Variants in GPHN observed in about 807,000 individuals in gnomAD.
The protein encoded by GPHN is gephyrin.
GPHN carries 17 observed loss-of-function variants against 95.5 expected under a neutral mutation model. That is an observed-to-expected ratio of 0.18 (90% CI 0.12 to 0.27). The LOEUF (loss-of-function observed/expected upper bound fraction) is 0.27, where lower values mean the gene tolerates loss of function less well. GPHN is among the 10% of genes least tolerant of loss of function. The pLI, the probability that GPHN is intolerant of heterozygous loss-of-function variation, is 1.00. For synonymous variants in GPHN, 320 were observed against 322.5 expected, an observed-to-expected ratio of 0.99 and a Z score of 0.08; for missense variants, 660 against 978.1, an observed-to-expected ratio of 0.67 and a Z score of 4.34.
intron 2 of GPHN, among the ~76,000 whole-genome samples, chr14:66,694,244 G>T (rs971905189): frequency 6.6e-6 from 1 of 152,052 alleles, no homozygotes; most frequent in Non-Finnish European, 1.5e-5. Flanking sequence ...CACCATATGC[G>T]ATTATAGCCA....
At chr14:67,344,348 A>G in the GPHN span, among the ~76,000 whole-genome samples, 1 of 152,106 alleles carries the variant, frequency 6.6e-6, no homozygotes, top group South Asian at 2.1e-4. Flanking sequence ...CTTTCAATAA[A>G]CCTTTATCAA....
At chr14:67,502,628 T>A in the GPHN span, among the ~76,000 whole-genome samples, 1 of 151,860 alleles carries the variant, frequency 6.6e-6, no homozygotes, top group Non-Finnish European at 1.5e-5. Context: ...AATTTTGTAC[T>A]TTTAGTAGAG....
At chr14:67,088,941 T>G in intron 11 of GPHN, 42 bp from the exon 12 acceptor site, 1 of 1,115,040 alleles carries the variant, frequency 9.0e-7, no homozygotes, top group Non-Finnish European at 1.4e-6. Context: ...GCTTACCCAT[T>G]GCTCTCCATA....
chr14:66,583,108 T>G (rs2061264357), intron 1 of GPHN, among the ~76,000 whole-genome samples: 1 of 151,714 alleles, frequency 6.6e-6, no homozygotes, highest in South Asian at 2.1e-4. Flanking sequence ...CTCATTGTGG[T>G]TTTGATTTGC....
the GPHN span, among the ~76,000 whole-genome samples, chr14:67,436,105 C>T: frequency 6.6e-6 from 1 of 152,198 alleles, no homozygotes; most frequent in Non-Finnish European, 1.5e-5. Flanking sequence ...CCCACAGAAG[C>T]CTCTTTACTG....
chr14:66,986,155 G>C (rs1199550164), intron 9 of GPHN, among the ~76,000 whole-genome samples: 1 of 150,068 alleles, frequency 6.7e-6, no homozygotes, highest in African/African-American at 2.5e-5. Context: ...ATGTTATTTT[G>C]GTATCATCAC....
chr14:66,762,558 T>TA lies in GPHN; in HGVS notation c.144-13887dup, dbSNP rs11323905. 9.1e-5 allele frequency among the ~76,000 whole-genome samples: 13 copies of TA among 143,382 alleles called. No individual in the cohort carries two copies. The South Asian group carries it at 1.8e-3, about 20-fold the overall frequency. 94.1% of individuals were successfully genotyped at this position (143,382 alleles called of 152,430 possible). A position where few individuals can be genotyped will look rare whatever the true frequency, so the allele number is the denominator to read the frequency against. Reference sequence around the variant, plus strand: ...GGATTTGCAGAGAAGTGTCACATAGTAAAAAAAAAAAAAAAAAAATCTGGG... The same window carrying TA: ...GGATTTGCAGAGAAGTGTCACATAGTAAAAAAAAAAAAAAAAAAAATCTGGG... On this transcript the variant is annotated intron_variant, in intron 2 of 22. Coordinates refer to ENST00000478722, the MANE Select transcript of GPHN (RefSeq NM_020806.5).
the GPHN span, chr14:67,615,827 G>A: frequency 1.7e-6 from 1 of 605,542 alleles, no homozygotes; most frequent in Non-Finnish European, 3.1e-6. Flanking sequence ...AGTCAAAAGA[G>A]AACATTCTGG....
At chr14:66,535,156 A>G (rs2059095571) in intron 1 of GPHN, among the ~76,000 whole-genome samples, 1 of 152,094 alleles carries the variant, frequency 6.6e-6, no homozygotes, top group South Asian at 2.1e-4. Context: ...TTATCTTATA[A>G]TGAATGATGT....
At chr14:67,300,450 CTT>C in the GPHN span, among the ~76,000 whole-genome samples, 1 of 151,608 alleles carries the variant, frequency 6.6e-6, no homozygotes, top group African/African-American at 2.4e-5. Flanking sequence ...GCCTCAGCCT[CTT>C]GAGTAGCTGG....
chr14:66,968,364 A>C (rs2069496099), intron 9 of GPHN, among the ~76,000 whole-genome samples: 1 of 152,066 alleles, frequency 6.6e-6, no homozygotes, highest in Non-Finnish European at 1.5e-5. Context: ...GATATCCAGC[A>C]CAAAATTGGA....
chr14:67,173,549 A>G (rs1051914738), intron 21 of GPHN, among the ~76,000 whole-genome samples: 106 of 152,154 alleles, frequency 7.0e-4, no homozygotes, highest in African/African-American at 2.3e-3. Context: ...CTAAAACCCA[A>G]CTGCAAATGA....
the GPHN span, among the ~76,000 whole-genome samples, chr14:67,643,329 G>T: frequency 6.6e-6 from 1 of 152,240 alleles, no homozygotes; most frequent in Non-Finnish European, 1.5e-5. Context: ...AAAGGAGGAA[G>T]AGATCAGTCT....
chr14:67,075,729 C>T (rs887141346), intron 11 of GPHN, among the ~76,000 whole-genome samples: 10 of 152,068 alleles, frequency 6.6e-5, no homozygotes, highest in East Asian at 3.9e-4. Flanking sequence ...GAAGTAACTA[C>T]GATGTCGTCA....
intron 2 of GPHN, among the ~76,000 whole-genome samples, chr14:66,744,910 G>A (rs886907791): frequency 5.3e-5 from 8 of 151,866 alleles, no homozygotes; most frequent in African/African-American, 1.9e-4. Flanking sequence ...TTTGACATTT[G>A]GATTAAATCC....
At chr14:66,959,401 C>A (rs961092664) in intron 8 of GPHN, among the ~76,000 whole-genome samples, 1 of 151,920 alleles carries the variant, frequency 6.6e-6, no homozygotes, top group Non-Finnish European at 1.5e-5. Context: ...TATCTAGTTT[C>A]TTTTTATTTC....
Position 66,545,315 on chromosome 14 carries a change from G to A in GPHN, c.64+36724G>A, listed in dbSNP as rs2059517471. Among the ~76,000 whole-genome samples, 6 of 141,650 alleles carry A rather than the reference G, an allele frequency of 4.2e-5. No individual in the cohort carries two copies. The South Asian group carries it at 1.4e-3, about 32-fold the overall frequency. 92.9% of individuals were successfully genotyped at this position (141,650 alleles called of 152,430 possible). On this transcript the variant is annotated intron_variant, in intron 1 of 22. Coordinates refer to ENST00000478722, the MANE Select transcript of GPHN (RefSeq NM_020806.5). ...AGGCGCCCCCCACCTCCCAGACGGG[G>A]CGGCTGGCCGGGCAGGGGGCTGACC...
the GPHN span, among the ~76,000 whole-genome samples, chr14:67,642,793 C>CTTTTTTTTTTTTTTTTTTTTTTTTTTTTT: frequency 2.6e-5 from 2 of 75,554 alleles, no homozygotes; most frequent in Non-Finnish European, 4.6e-5. Context: ...ACTACATTTT[C>CTTTTTTTTTTTTTTTTTTTTTTTTTTTTT]TTTTTTTTTT....
At chr14:67,246,617 A>T in the GPHN span, among the ~76,000 whole-genome samples, 1 of 148,616 alleles carries the variant, frequency 6.7e-6, no homozygotes, top group African/African-American at 2.5e-5. Flanking sequence ...CTAGGATTAC[A>T]GGTGTTAGCC....
Sources: gnomAD v4.1 joint callset for allele counts (sites outside exome capture counted in the v4.1 genomes callset) on GRCh38, gnomAD v4.1.1 for gene constraint, MANE v1.5 for transcripts, NCBI Gene and HGNC (gene_info 2026-07-23, HGNC 2026-07-21) for gene names.